The following POLR3G variants were observed in gnomAD, a reference collection of about 807,000 sequenced individuals.
POLR3G encodes the protein RNA polymerase III subunit G, also known as DNA-directed RNA polymerase III subunit RPC7.
A neutral mutation model predicts 30.1 loss-of-function variants in POLR3G; 28 were observed. That is an observed-to-expected ratio of 0.93 (90% CI 0.69 to 1.27). The LOEUF (loss-of-function observed/expected upper bound fraction) is 1.27, where lower values mean the gene tolerates loss of function less well. POLR3G is among the 50% of genes most tolerant of loss of function. The pLI is 0.00. For synonymous variants in POLR3G, 79 were observed against 82.5 expected (o/e 0.96, Z 0.23); for missense variants, 254 against 264.6 (o/e 0.96, Z 0.28).
chr5:90,509,187 G>A lies in POLR3G; in HGVS notation c.585+2513G>A, dbSNP rs117180945. On this transcript the variant is annotated intron_variant, in intron 7 of 7. Transcript: ENST00000651687. ...TAATTTTTGTTACATAATGCTTTTC[G>A]TTTTTCTCCTATTTCTGGTACATTT... Among the ~76,000 whole-genome samples, 384 of 152,152 alleles carry A rather than the reference G, an allele frequency of 2.5e-3. 6 individuals carry two copies. In the East Asian group the frequency reaches 0.027, roughly 11 times the overall value.
intron 1 of POLR3G, among the ~76,000 whole-genome samples, chr5:90,476,726 T>C (rs994548475): frequency 5.9e-5 from 9 of 152,154 alleles, no homozygotes; most frequent in Non-Finnish European, 1.3e-4. Context: ...CACTTCCAGG[T>C]CCCCCTGCCT....
chr5:90,501,829 A>C, intron 5 of POLR3G, 77 bp from the exon 6 acceptor site: 1 of 1,529,414 alleles, frequency 6.5e-7, no homozygotes, highest in Non-Finnish European at 8.9e-7. Flanking sequence ...GATGCTGGAC[A>C]GCATACGCAA....
intron 2 of POLR3G, among the ~76,000 whole-genome samples, 195 bp from the exon 3 acceptor site, chr5:90,487,805 A>G (rs1366352493): frequency 1.3e-5 from 2 of 152,162 alleles, no homozygotes; most frequent in African/African-American, 4.8e-5. Flanking sequence ...TCTTACCTCT[A>G]ATAGAAGAGC....
chr5:90,482,796 T>A (rs6894539), intron 1 of POLR3G, among the ~76,000 whole-genome samples: 120,978 of 152,050 alleles, frequency 0.8, 48,558 homozygotes, highest in African/African-American at 0.9. Context: ...CGAGCCAACC[T>A]ATCTGCGCTT....
chr5:90,478,569 CTTTTT>C (rs773881344), intron 1 of POLR3G, among the ~76,000 whole-genome samples: 5 of 79,332 alleles, frequency 6.3e-5, no homozygotes, highest in Non-Finnish European at 9.3e-5. Context: ...CTGCGTGGTT[CTTTTT>C]TTTTTTTTTT....
intron 3 of POLR3G, among the ~76,000 whole-genome samples, chr5:90,491,553 CTTATTG>C (rs1751726780): frequency 6.7e-6 from 1 of 149,242 alleles, no homozygotes; most frequent in Non-Finnish European, 1.5e-5. Context: ...TGGAGCAGTT[CTTATTG>C]TTTGTATGAT....
chr5:90,512,060 A>G lies in POLR3G; in HGVS notation c.593A>G (p.Asp198Gly). The change falls in exon 8 of 8, where the codon GAC (aspartate) becomes GGC (glycine). Residue 198 changes from aspartate to glycine, a missense_variant. Transcript: ENST00000651687. ...YDEEEQEEEN[D>G]YINSYFEDGD... ...ATATATCATTTCACTTAGGAAAATG[A>G]CTACATTAATTCATACTTTGAAGAT... 6.3e-7 allele frequency: 1 copy of G among 1,595,020 alleles called. No homozygotes were observed. The highest frequency in any genetic ancestry group is 1.3e-5 in the African/African-American group (1 of 74,610).
intron 5 of POLR3G, 113 bp downstream of exon 5, chr5:90,497,819 T>C (rs1386014864): frequency 1.3e-5 from 16 of 1,279,630 alleles, no homozygotes; most frequent in Non-Finnish European, 1.5e-5. Flanking sequence ...GCTTTTCTTA[T>C]TTTGAGCCAG....
rs1175351345 is a variant in POLR3G, at chr5:90,514,229, G to T, written c.*2090G>T. 1 of 152,192 alleles carries T rather than the reference G, an allele frequency of 6.6e-6. No homozygotes were observed. Among genetic ancestry groups the T allele is most frequent in the East Asian group, 1.9e-4 (1 of 5,178 alleles). 9.4% of individuals were successfully genotyped at this position (152,192 alleles called of 1,614,324 possible). A position where few individuals can be genotyped will look rare whatever the true frequency, so the allele number is the denominator to read the frequency against. ...CTCATTTTTCTGGCTTAAAATCTGGGACTGTGAAATTATTCCATAGGAAAG... is the reference window on the plus strand; with the variant it reads ...CTCATTTTTCTGGCTTAAAATCTGGTACTGTGAAATTATTCCATAGGAAAG... On this transcript the variant is annotated 3_prime_UTR_variant, in exon 8 of 8. Coordinates refer to ENST00000651687, the MANE Select transcript of POLR3G (RefSeq NM_006467.3).
chr5:90,507,798 C>G (rs1752560428), intron 7 of POLR3G, among the ~76,000 whole-genome samples: 1 of 152,206 alleles, frequency 6.6e-6, no homozygotes, highest in African/African-American at 2.4e-5. Flanking sequence ...ACATTTGTCT[C>G]CAGCCTTCTT....
intron 7 of POLR3G, 149 bp downstream of exon 7, chr5:90,506,823 TC>T: frequency 1.6e-6 from 2 of 1,288,336 alleles, no homozygotes; most frequent in Non-Finnish European, 2.0e-6. Flanking sequence ...TTCCTTGCTA[TC>T]AAGAGAACTT....
intron 3 of POLR3G, among the ~76,000 whole-genome samples, chr5:90,492,462 T>C (rs1366893420): frequency 6.6e-6 from 1 of 152,272 alleles, no homozygotes; most frequent in South Asian, 2.1e-4. Flanking sequence ...GAAAGGAAAT[T>C]GATTATATAG....
At position 90,512,327 on chromosome 5, in the gene POLR3G, C is replaced by T. The variant is rs937714292; in HGVS notation, c.*188C>T. The T allele has an allele frequency of 1.9e-6, 1 of 529,734 alleles. No individual in the cohort carries two copies. The highest frequency in any genetic ancestry group is 3.1e-5 in the East Asian group (1 of 32,542). 32.8% of individuals were successfully genotyped at this position (529,734 alleles called of 1,614,324 possible). ...TTACCTTAAAAATTATTCCCTGACA[C>T]TCTGACATTCCTTCTAAACACCTCT... On this transcript the variant is annotated 3_prime_UTR_variant, in exon 8 of 8. Coordinates refer to ENST00000651687, the MANE Select transcript of POLR3G (RefSeq NM_006467.3).
At chr5:90,497,001 CTCCAAATTTTCTTTAAA>C (rs1435118924) in intron 4 of POLR3G, among the ~76,000 whole-genome samples, 1 of 152,068 alleles carries the variant, frequency 6.6e-6, no homozygotes, top group Non-Finnish European at 1.5e-5. Context: ...TGTAAAAATG[CTCCAAATTTTCTTTAAA>C]AGCAGGCAAT....
intron 3 of POLR3G, chr5:90,490,814 T>C (rs1246193129): frequency 5.8e-6 from 1 of 171,690 alleles, no homozygotes; most frequent in East Asian, 1.7e-4. Context: ...GTTTATATAA[T>C]ATGTGTATAT....
chr5:90,507,263 A>G (rs140363087), intron 7 of POLR3G, among the ~76,000 whole-genome samples: 2 of 152,186 alleles, frequency 1.3e-5, no homozygotes, highest in African/African-American at 4.8e-5. Flanking sequence ...GGGACTTTGT[A>G]GACACCTCAG....
intron 3 of POLR3G, among the ~76,000 whole-genome samples, chr5:90,490,274 GTTT>G (rs67906055): frequency 7.6e-6 from 1 of 131,558 alleles, no homozygotes; most frequent in Non-Finnish European, 1.6e-5. Context: ...AAATATAAGG[GTTT>G]TTTTTTTTTT....
In POLR3G at chr5:90,485,641, A is replaced by G; in HGVS notation, c.74A>G (p.Glu25Gly). ...NIEAVGFSKG[E>G]KLPDVVLKPP... is the part of the protein sequence containing the mutation. ...GAGGCTGTTGGATTTAGCAAAGGTG[A>G]AAAGTTACCTGATGTAGTGTTGAAA... The change falls in exon 2 of 8, where the codon GAA becomes GGA. Residue 25 changes from glutamate to glycine, a missense_variant. Coordinates refer to ENST00000651687, the MANE Select transcript of POLR3G (RefSeq NM_006467.3). The G allele has an allele frequency of 1.9e-6, 3 of 1,614,066 alleles. No individual in the cohort carries two copies. Among genetic ancestry groups the G allele is most frequent in the Non-Finnish European group, 2.5e-6 (3 of 1,179,962 alleles).
rs563398547 is a variant in POLR3G, at chr5:90,478,082, C to T, written c.-44+3062C>T. ...AGTGTGGACAAGGAACTGTGTAAGA[C>T]GTGGAGGACAAGACATTTCAGTTAC... On this transcript the variant is annotated intron_variant, in intron 1 of 7. Transcript: ENST00000651687. Among the ~76,000 whole-genome samples the T allele has an allele frequency of 2.2e-4, 34 of 152,292 alleles. No individual in the cohort carries two copies. The South Asian group carries it at 7.0e-3, about 32-fold the overall frequency.
Sources: gnomAD v4.1 joint callset for allele counts (sites outside exome capture counted in the v4.1 genomes callset) on GRCh38, gnomAD v4.1.1 for gene constraint, MANE v1.5 for transcripts, NCBI Gene and HGNC (gene_info 2026-07-23, HGNC 2026-07-21) for gene names.